The following LYPLAL1 variants were observed in gnomAD, a reference collection of about 807,000 sequenced individuals.
The protein encoded by LYPLAL1 is lysophospholipase-like protein 1.
A neutral mutation model predicts 19.7 loss-of-function variants in LYPLAL1; 23 were observed. The ratio of observed to expected loss-of-function variants is 1.17; its 90% CI spans 0.84 to 1.65. The LOEUF is 1.65. Ranked by LOEUF, LYPLAL1 falls within the 40% of genes most tolerant of loss-of-function variation. LYPLAL1 has a pLI of 0.00. For synonymous variants in LYPLAL1, 119 were observed against 96.3 expected, an observed-to-expected ratio of 1.24 and a Z score of -1.38; for missense variants, 355 against 279.4, an observed-to-expected ratio of 1.27 and a Z score of -1.93.
At chr1:219,314,589 C>T in the LYPLAL1 span, among the ~76,000 whole-genome samples, 21 of 152,108 alleles carry the variant, frequency 1.4e-4, no homozygotes, top group Non-Finnish European at 1.8e-4. Context: ...GGCCTACAGG[C>T]GACCACCACC....
chr1:219,306,789 C>G, the LYPLAL1 span, among the ~76,000 whole-genome samples: 1,104 of 73,274 alleles, frequency 0.015, 21 homozygotes, highest in East Asian at 0.099. Flanking sequence ...TAGATAGATA[C>G]ATAGACAGAT....
chr1:219,418,183 A>G, the LYPLAL1 span, among the ~76,000 whole-genome samples: 1 of 152,210 alleles, frequency 6.6e-6, no homozygotes, highest in African/African-American at 2.4e-5. Context: ...GAAAAAAGTT[A>G]TCCTGCCATT....
chr1:219,388,226 G>C, the LYPLAL1 span, among the ~76,000 whole-genome samples: 1 of 152,072 alleles, frequency 6.6e-6, no homozygotes, highest in Non-Finnish European at 1.5e-5. Context: ...TTCCTCATAT[G>C]GAGAGTGTTT....
chr1:219,346,460 A>T, the LYPLAL1 span, among the ~76,000 whole-genome samples: 25 of 136,280 alleles, frequency 1.8e-4, no homozygotes, highest in South Asian at 2.4e-4. Flanking sequence ...GTCAATTTCT[A>T]TTTTTTTTTT....
At chr1:219,209,919 T>A (rs1658868279) in intron 3 of LYPLAL1, among the ~76,000 whole-genome samples, 1 of 151,684 alleles carries the variant, frequency 6.6e-6, no homozygotes, top group African/African-American at 2.4e-5. Flanking sequence ...GTTTGACTAA[T>A]TTTTTTTTCA....
At chr1:219,441,756 G>A in the LYPLAL1 span, among the ~76,000 whole-genome samples, 1 of 152,158 alleles carries the variant, frequency 6.6e-6, no homozygotes, top group African/African-American at 2.4e-5. Flanking sequence ...CTGCCAGAGA[G>A]CACAAGCATA....
the LYPLAL1 span, among the ~76,000 whole-genome samples, chr1:219,435,623 G>T: frequency 6.6e-6 from 1 of 152,048 alleles, no homozygotes; most frequent in African/African-American, 2.4e-5. Context: ...TCAGGAGTTT[G>T]AGACCAGCCT....
chr1:219,311,147 T>G, the LYPLAL1 span, among the ~76,000 whole-genome samples: 1 of 152,174 alleles, frequency 6.6e-6, no homozygotes, highest in African/African-American at 2.4e-5. Context: ...GTTTTTTTTT[T>G]TTTTCTTTCT....
At chr1:219,214,069 C>T (rs1659199071), downstream of LYPLAL1, among the ~76,000 whole-genome samples, 1 of 152,000 alleles carries the variant, frequency 6.6e-6, no homozygotes, top group Non-Finnish European at 1.5e-5. Context: ...CCTCTCTGTT[C>T]CTGCTTTTCT....
intron 2 of LYPLAL1, among the ~76,000 whole-genome samples, chr1:219,185,091 G>C (rs1001920100): frequency 6.6e-6 from 1 of 151,562 alleles, no homozygotes; most frequent in African/African-American, 2.4e-5. Flanking sequence ...ATAGAACCAG[G>C]ATATTCAGAT....
chr1:219,360,925 A>G, the LYPLAL1 span, among the ~76,000 whole-genome samples: 4 of 152,214 alleles, frequency 2.6e-5, no homozygotes, highest in African/African-American at 7.2e-5. Flanking sequence ...ACAAAGCAAA[A>G]GTGATTAAAA....
chr1:219,262,448 C>T, the LYPLAL1 span, among the ~76,000 whole-genome samples: 1 of 152,098 alleles, frequency 6.6e-6, no homozygotes, highest in Admixed American at 6.6e-5. Context: ...CTGGTTCCTT[C>T]TGATTTGGGT....
the LYPLAL1 span, among the ~76,000 whole-genome samples, chr1:219,396,465 A>G: frequency 2.0e-5 from 3 of 152,168 alleles, no homozygotes; most frequent in African/African-American, 2.4e-5. Context: ...TTCTAGTTCT[A>G]TGAAGAATGT....
At chr1:219,383,762 G>T in the LYPLAL1 span, among the ~76,000 whole-genome samples, 10 of 152,320 alleles carry the variant, frequency 6.6e-5, no homozygotes, top group East Asian at 1.9e-3. Flanking sequence ...GACCAAATCA[G>T]TGTGTATTTA....
the LYPLAL1 span, among the ~76,000 whole-genome samples, chr1:219,233,917 A>G: frequency 1.3e-5 from 2 of 152,234 alleles, no homozygotes; most frequent in Non-Finnish European, 2.9e-5. Flanking sequence ...ATGACCATAC[A>G]TAGGGAAAAG....
At chr1:219,410,656 G>C in the LYPLAL1 span, among the ~76,000 whole-genome samples, 1 of 152,242 alleles carries the variant, frequency 6.6e-6, no homozygotes, top group African/African-American at 2.4e-5. Context: ...TGGAGGGAGA[G>C]GCAAGAGCGG....
the LYPLAL1 span, among the ~76,000 whole-genome samples, chr1:219,304,643 C>T: frequency 3.4e-3 from 521 of 152,174 alleles, 6 homozygotes; most frequent in African/African-American, 0.012. Context: ...AATATAAAGT[C>T]GTGTATAATT....
chr1:219,244,078 C>A, the LYPLAL1 span, among the ~76,000 whole-genome samples: 7 of 152,028 alleles, frequency 4.6e-5, no homozygotes, highest in East Asian at 1.4e-3. Context: ...TCAGAGGGAC[C>A]ATAATCAGAA....
At chr1:219,289,157 A>G in the LYPLAL1 span, among the ~76,000 whole-genome samples, 1 of 146,746 alleles carries the variant, frequency 6.8e-6, no homozygotes, top group Non-Finnish European at 1.5e-5. Context: ...TACATTTCTA[A>G]GGGCCCAAGG....
Sources: gnomAD v4.1 joint callset for allele counts (sites outside exome capture counted in the v4.1 genomes callset) on GRCh38, gnomAD v4.1.1 for gene constraint, MANE v1.5 for transcripts, NCBI Gene and HGNC (gene_info 2026-07-23, HGNC 2026-07-21) for gene names.